The following NEDD4L variants were observed in gnomAD, a reference collection of about 807,000 sequenced individuals.
NEDD4L encodes the protein NEDD4 like E3 ubiquitin protein ligase, also known as E3 ubiquitin-protein ligase NEDD4-like.
Under a neutral mutation model 148.9 loss-of-function variants are expected in NEDD4L, and 54 were observed. The observed-to-expected ratio is 0.36, with a 90% CI of 0.29 to 0.45. The LOEUF is 0.45. Ranked by LOEUF, NEDD4L falls within the 20% of genes least tolerant of loss-of-function variation. The pLI is 1.00. For synonymous variants in NEDD4L, 433 were observed against 440.7 expected, an observed-to-expected ratio of 0.98 and a Z score of 0.22; for missense variants, 856 against 1,233.8, an observed-to-expected ratio of 0.69 and a Z score of 4.59.
At position 58,075,074 on chromosome 18, in the gene NEDD4L, T is replaced by A. The variant is rs144570191; in HGVS notation, c.48+30366T>A. The stretch of plus-strand genomic sequence containing the variant: ...TGTTTGGGTTCATCTTACGCACCAT[T>A]CTCTTGGGAGGGAGCATGCTTTGAA... On this transcript the variant is annotated intron_variant, in intron 1 of 30. Coordinates refer to ENST00000400345, the MANE Select transcript of NEDD4L (RefSeq NM_001144967.3). Among the ~76,000 whole-genome samples the A allele has an allele frequency of 6.5e-4, 99 of 152,284 alleles. 3 individuals are homozygous for A. The East Asian group carries it at 0.018, about 28-fold the overall frequency.
At chr18:58,351,561 G>T (rs1448759397) in intron 18 of NEDD4L, among the ~76,000 whole-genome samples, 1 of 152,120 alleles carries the variant, frequency 6.6e-6, no homozygotes, top group Non-Finnish European at 1.5e-5. Context: ...TAGTATATTT[G>T]CTATAGACAT....
chr18:58,195,685 C>G (rs1308736349), intron 2 of NEDD4L: 16 of 1,351,934 alleles, frequency 1.2e-5, no homozygotes, highest in Non-Finnish European at 1.5e-5. Context: ...CTAGACCTGC[C>G]TCTCTCTCCG....
chr18:58,151,581 TA>T (rs1234123854), intron 1 of NEDD4L, among the ~76,000 whole-genome samples: 2 of 150,832 alleles, frequency 1.3e-5, no homozygotes, highest in African/African-American at 4.9e-5. Flanking sequence ...CATAGCATGG[TA>T]ATTAAAGGGG....
At chr18:58,135,181 G>A (rs1471983977) in intron 1 of NEDD4L, among the ~76,000 whole-genome samples, 1 of 152,084 alleles carries the variant, frequency 6.6e-6, no homozygotes, top group Non-Finnish European at 1.5e-5. Flanking sequence ...TGGAAGTCCT[G>A]AAACAGTACA....
chr18:58,102,858 A>T (rs1440107062), intron 1 of NEDD4L, among the ~76,000 whole-genome samples: 1 of 152,194 alleles, frequency 6.6e-6, no homozygotes, highest in Non-Finnish European at 1.5e-5. Context: ...ATGCTGAGGG[A>T]CAACTGTATA....
At chr18:58,294,458 G>A (rs780454187) in intron 5 of NEDD4L, among the ~76,000 whole-genome samples, 3 of 152,122 alleles carry the variant, frequency 2.0e-5, no homozygotes, top group Non-Finnish European at 4.4e-5. Context: ...TTAGGAAGTG[G>A]CTAAATAAAA....
At chr18:58,195,716 CT>C in intron 2 of NEDD4L, 1 of 1,352,048 alleles carries the variant, frequency 7.4e-7, no homozygotes, top group Non-Finnish European at 9.8e-7. Flanking sequence ...CAGACGAGCT[CT>C]TCCTGCCTGG....
chr18:58,138,843 C>T (rs1397550889), intron 1 of NEDD4L, among the ~76,000 whole-genome samples: 1 of 152,220 alleles, frequency 6.6e-6, no homozygotes, highest in Non-Finnish European at 1.5e-5. Flanking sequence ...AAGGCTCCAC[C>T]TTCCAATACC....
intron 5 of NEDD4L, among the ~76,000 whole-genome samples, chr18:58,285,663 A>T (rs2053797084): frequency 6.6e-6 from 1 of 152,192 alleles, no homozygotes; most frequent in Non-Finnish European, 1.5e-5. Context: ...AAGCAAGAGG[A>T]GGCTGGGTTA....
chr18:58,203,907 T>C (rs1451802924), intron 2 of NEDD4L, among the ~76,000 whole-genome samples: 1 of 152,210 alleles, frequency 6.6e-6, no homozygotes, highest in East Asian at 1.9e-4. Context: ...TATACTAATC[T>C]TATCACCCTG....
intron 1 of NEDD4L, among the ~76,000 whole-genome samples, chr18:58,052,329 C>T (rs1339937614): frequency 6.6e-6 from 1 of 152,172 alleles, no homozygotes; most frequent in Admixed American, 6.5e-5. Context: ...AATAGAATCT[C>T]ACTATGATTG....
chr18:58,060,018 A>G (rs2082257467), intron 1 of NEDD4L, among the ~76,000 whole-genome samples: 1 of 152,064 alleles, frequency 6.6e-6, no homozygotes, highest in Non-Finnish European at 1.5e-5. Flanking sequence ...GCCCAGGGTC[A>G]CAGAACTACT....
chr18:58,266,229 T>C (rs2050201808), intron 5 of NEDD4L, among the ~76,000 whole-genome samples: 1 of 152,066 alleles, frequency 6.6e-6, no homozygotes, highest in Admixed American at 6.6e-5. Flanking sequence ...GGATAGATAA[T>C]TTCATATAAA....
At chr18:58,286,613 A>C (rs558517193) in intron 5 of NEDD4L, among the ~76,000 whole-genome samples, 33 of 152,294 alleles carry the variant, frequency 2.2e-4, no homozygotes, top group Admixed American at 2.1e-3. Flanking sequence ...ACTGTTTCAG[A>C]ATGTGTAAGA....
chr18:58,358,915 G>C (rs2045090677), intron 19 of NEDD4L, among the ~76,000 whole-genome samples: 1 of 152,056 alleles, frequency 6.6e-6, no homozygotes, highest in South Asian at 2.1e-4. Flanking sequence ...ATTATGGTCA[G>C]ATAATATTGT....
intron 1 of NEDD4L, among the ~76,000 whole-genome samples, chr18:58,076,293 G>C (rs564013043): frequency 6.6e-6 from 1 of 152,324 alleles, no homozygotes; most frequent in Non-Finnish European, 1.5e-5. Flanking sequence ...GTGAGTAGCT[G>C]ATGTCACATG....
At chr18:58,179,378 C>T (rs552291005) in intron 2 of NEDD4L, among the ~76,000 whole-genome samples, 19 of 152,310 alleles carry the variant, frequency 1.2e-4, no homozygotes, top group South Asian at 4.1e-4. Flanking sequence ...GTGATGGCCT[C>T]GCCATCTGTA....
chr18:58,256,409 G>A lies in NEDD4L; in HGVS notation c.297+4355G>A. 2.4e-6 allele frequency: 3 copies of A among 1,232,392 alleles called. No homozygotes were observed. Among genetic ancestry groups the A allele is most frequent in the Non-Finnish European group, 3.0e-6 (3 of 988,138 alleles). 76.3% of individuals were successfully genotyped at this position (1,232,392 alleles called of 1,614,324 possible). Reference sequence around the variant, plus strand: ...GCCCCAACAAGGCGCTTCGGGGCCAGGCAGCGACCTCAACTTTGGCTTCAC... The same window carrying A: ...GCCCCAACAAGGCGCTTCGGGGCCAAGCAGCGACCTCAACTTTGGCTTCAC... On this transcript the variant is annotated intron_variant, in intron 5 of 30. Transcript: ENST00000400345. The surrounding 1 kb of genome is among the most constrained non-coding windows in gnomAD (Gnocchi z 5.2).
intron 4 of NEDD4L, among the ~76,000 whole-genome samples, chr18:58,251,671 GAC>G (rs1330924577): frequency 2.0e-5 from 3 of 152,156 alleles, no homozygotes; most frequent in Non-Finnish European, 4.4e-5. Flanking sequence ...CTCAGGCATA[GAC>G]ATTTTTTGAT....
Sources: gnomAD v4.1 joint callset for allele counts (sites outside exome capture counted in the v4.1 genomes callset) on GRCh38, gnomAD v4.1.1 for gene constraint, Gnocchi (gnomAD v3.1) non-coding constraint, MANE v1.5 for transcripts, NCBI Gene and HGNC (gene_info 2026-07-23, HGNC 2026-07-21) for gene names.